Variants in CNIH3 observed in about 807,000 individuals in gnomAD.
CNIH3 encodes cornichon family AMPA receptor auxiliary protein 3, also known as protein cornichon homolog 3.
In CNIH3, 14 loss-of-function variants were observed where a neutral mutation model predicts 24.1. The observed-to-expected ratio is 0.58, with a 90% confidence interval of 0.38 to 0.91. The LOEUF (loss-of-function observed/expected upper bound fraction) is 0.91. Ranked by LOEUF, CNIH3 falls within the 40% of genes least tolerant of loss-of-function variation. The probability of loss-of-function intolerance (pLI) is 0.00; values close to 1 mark genes in which losing one functional copy is unlikely to be tolerated. For synonymous variants in CNIH3, 68 were observed against 73.8 expected, an observed-to-expected ratio of 0.92 and a Z score of 0.40; for missense variants, 178 against 196.8, an observed-to-expected ratio of 0.90 and a Z score of 0.57.
chr1:224,505,432 C>A (rs534694083), intron 1 of CNIH3, among the ~76,000 whole-genome samples: 1 of 152,064 alleles, frequency 6.6e-6, no homozygotes, highest in Admixed American at 6.6e-5. Context: ...TGCAGAGTGA[C>A]GTTACTTCAC....
Position 224,739,429 on chromosome 1 carries a change from G to T in CNIH3, c.*73G>T, listed in dbSNP as rs1689764406. 1.1e-5 allele frequency: 18 copies of T among 1,581,994 alleles called. No homozygotes were observed. The highest frequency in any genetic ancestry group is 1.5e-5 in the Non-Finnish European group (18 of 1,169,762). ...GACGGAGAGGTGCATTTCTGCTGGT[G>T]ACTGGAGGAGGGACCAGAATGAGGA... On this transcript the variant is annotated 3_prime_UTR_variant, in exon 6 of 6. Transcript: ENST00000272133.
intron 2 of CNIH3, among the ~76,000 whole-genome samples, chr1:224,522,801 C>T (rs1344637844): frequency 6.6e-6 from 1 of 152,228 alleles, no homozygotes; most frequent in Non-Finnish European, 1.5e-5. Context: ...CCCTCATCCT[C>T]TGCTGGTGGG....
intron 1 of CNIH3, among the ~76,000 whole-genome samples, chr1:224,639,498 C>T (rs1684252538): frequency 6.6e-6 from 1 of 152,170 alleles, no homozygotes; most frequent in African/African-American, 2.4e-5. Context: ...GCGTGATAAG[C>T]AAGAAGGTGA....
At chr1:224,717,880 C>T (rs189870823) in intron 3 of CNIH3, 2 of 152,294 alleles carry the variant, frequency 1.3e-5, no homozygotes, top group East Asian at 1.9e-4. Context: ...AAATTAGTGT[C>T]GAGTCAACAC....
rs750798750 is a variant in CNIH3 at position 224,703,634 on chromosome 1, G to A, written c.198+18791G>A. On this transcript the variant is annotated intron_variant, in intron 3 of 5. Coordinates refer to ENST00000272133, the MANE Select transcript of CNIH3 (RefSeq NM_152495.2). This position sits in a 1 kb window ranked among gnomAD's most constrained non-coding sequence, Gnocchi z 4.2. ...TAGCATTGCTGCCTTTACCTGCCTG[G>A]TTGCCTCTTTCAAGCCTCCCTACCC... Among the ~76,000 whole-genome samples, 12 of 152,150 alleles carry A rather than the reference G, an allele frequency of 7.9e-5. No homozygotes were observed. The highest frequency in any genetic ancestry group is 1.8e-4 in the Non-Finnish European group (12 of 68,014).
intron 3 of CNIH3, among the ~76,000 whole-genome samples, chr1:224,606,338 G>A (rs909203442): frequency 9.9e-5 from 15 of 152,282 alleles, no homozygotes; most frequent in African/African-American, 2.9e-4. Flanking sequence ...GGCGAATGTG[G>A]AGGATTTTAC....
chr1:224,554,359 CA>C (rs1680048445), intron 3 of CNIH3, among the ~76,000 whole-genome samples: 1 of 152,146 alleles, frequency 6.6e-6, no homozygotes, highest in Non-Finnish European at 1.5e-5. Context: ...GTTTATTCAA[CA>C]TTTACTGTGT....
chr1:224,693,744 CCTATG>C (rs1332305268), intron 3 of CNIH3, among the ~76,000 whole-genome samples: 1 of 152,214 alleles, frequency 6.6e-6, no homozygotes, highest in Non-Finnish European at 1.5e-5. Context: ...TGTGAAAATT[CCTATG>C]CTAGGATCGT....
chr1:224,556,384 C>T (rs762609825), intron 3 of CNIH3, among the ~76,000 whole-genome samples: 12 of 152,070 alleles, frequency 7.9e-5, no homozygotes, highest in African/African-American at 1.4e-4. Flanking sequence ...TAATAGTACC[C>T]GCTTCATAGA....
chr1:224,652,628 C>G (rs1684911990), intron 1 of CNIH3, among the ~76,000 whole-genome samples: 1 of 152,140 alleles, frequency 6.6e-6, no homozygotes, highest in African/African-American at 2.4e-5. Context: ...AGCCAGTCCT[C>G]TACTGTGTGG....
Position 224,646,707 on chromosome 1 carries a change from A to G in CNIH3, c.81+29452A>G, listed in dbSNP as rs1203464539. Among the ~76,000 whole-genome samples, 5 of 152,152 alleles carry G rather than the reference A, an allele frequency of 3.3e-5. No individual in the cohort carries two copies. In the East Asian group the frequency reaches 9.6e-4, roughly 29 times the overall value. On this transcript the variant is annotated intron_variant, in intron 1 of 5. Coordinates refer to ENST00000272133, the MANE Select transcript of CNIH3 (RefSeq NM_152495.2). ...AGGCATGAGCCACCATGTCCAGTCT[A>G]TTACAAGCAGGTTTTTAAAGGCAAA...
chr1:224,445,883 T>C (rs1229776873), intron 1 of CNIH3, among the ~76,000 whole-genome samples: 1 of 152,238 alleles, frequency 6.6e-6, no homozygotes, highest in African/African-American at 2.4e-5. Context: ...ACGTTTTGCC[T>C]TTCATGTTTA....
At chr1:224,473,582 A>G (rs557357708) in intron 1 of CNIH3, among the ~76,000 whole-genome samples, 1 of 152,358 alleles carries the variant, frequency 6.6e-6, no homozygotes, top group Admixed American at 6.5e-5. Context: ...TAAAGAGGTC[A>G]GTTCAGCAAG....
At chr1:224,647,304 C>T (rs1684654686) in intron 1 of CNIH3, among the ~76,000 whole-genome samples, 1 of 152,212 alleles carries the variant, frequency 6.6e-6, no homozygotes, top group Non-Finnish European at 1.5e-5. Flanking sequence ...TTCAGTGCCT[C>T]TCTGGGCTTG....
At chr1:224,546,842 A>G (rs1679722047) in exon 3 of CNIH3, 1 of 965,874 alleles carries the variant, frequency 1.0e-6, no homozygotes, top group South Asian at 4.8e-5. Flanking sequence ...TCCTCATGGA[A>G]CACCTTTCCT....
At chr1:224,609,161 G>GT (rs1682568978) in intron 3 of CNIH3, among the ~76,000 whole-genome samples, 1 of 152,166 alleles carries the variant, frequency 6.6e-6, no homozygotes, top group African/African-American at 2.4e-5. Context: ...CCTAGCTACT[G>GT]TAACACTGAG....
At chr1:224,473,267 AT>A (rs1553256015) in intron 1 of CNIH3, among the ~76,000 whole-genome samples, 38 of 152,244 alleles carry the variant, frequency 2.5e-4, no homozygotes, top group Non-Finnish European at 5.4e-4. Flanking sequence ...AAGGAAGGAA[AT>A]AAGAGAAGAC....
At chr1:224,702,162 C>T (rs1045259162) in intron 3 of CNIH3, among the ~76,000 whole-genome samples, 2 of 152,054 alleles carry the variant, frequency 1.3e-5, no homozygotes, top group East Asian at 3.9e-4. Context: ...CCCCACATAC[C>T]ATTACATCAC....
chr1:224,603,894 G>C (rs532726916), intron 3 of CNIH3, among the ~76,000 whole-genome samples: 1 of 152,166 alleles, frequency 6.6e-6, no homozygotes, highest in South Asian at 2.1e-4. Context: ...ATCCACAGTT[G>C]GTTGTCTCTT....
Sources: allele counts gnomAD v4.1 joint callset (sites outside exome capture counted in the v4.1 genomes callset), GRCh38; gene constraint gnomAD v4.1.1; non-coding constraint Gnocchi (gnomAD v3.1); transcripts MANE v1.5; gene names NCBI Gene and HGNC (gene_info 2026-07-23, HGNC 2026-07-21).